The following DGKB variants were observed in gnomAD, a reference collection of about 807,000 sequenced individuals.
DGKB encodes the protein diacylglycerol kinase beta.
Under a neutral mutation model 114.3 loss-of-function variants are expected in DGKB, and 67 were observed. The ratio of observed to expected loss-of-function variants is 0.59; its 90% CI spans 0.48 to 0.72. The LOEUF (loss-of-function observed/expected upper bound fraction) is 0.72. DGKB is among the 30% of genes least tolerant of loss of function. DGKB has a pLI of 0.00. For missense variants in DGKB, 907 were observed against 975.2 expected, an observed-to-expected ratio of 0.93 and a Z score of 0.93; for synonymous variants, 398 against 323.1, an observed-to-expected ratio of 1.23 and a Z score of -2.49.
At chr7:14,564,487 A>G (rs1232230286) in intron 20 of DGKB, among the ~76,000 whole-genome samples, 1 of 152,104 alleles carries the variant, frequency 6.6e-6, no homozygotes, top group African/African-American at 2.4e-5. Flanking sequence ...TCACAAAGGG[A>G]ATTAGTCTGT....
chr7:14,660,462 C>G (rs1563827199), intron 13 of DGKB, among the ~76,000 whole-genome samples: 3 of 151,958 alleles, frequency 2.0e-5, no homozygotes, highest in Admixed American at 6.6e-5. Context: ...CTGTATGTGT[C>G]GAGGAATTTA....
chr7:14,222,124 AT>A (rs1309990577), intron 23 of DGKB, among the ~76,000 whole-genome samples: 1 of 149,730 alleles, frequency 6.7e-6, no homozygotes, highest in African/African-American at 2.4e-5. Context: ...GACTTTTTAT[AT>A]TTTTTTCACT....
chr7:14,832,659 C>G (rs1392974396), intron 2 of DGKB, among the ~76,000 whole-genome samples: 5 of 152,020 alleles, frequency 3.3e-5, no homozygotes, highest in Admixed American at 3.3e-4. Context: ...CTTTCAATCA[C>G]TTATTCTCTT....
intron 22 of DGKB, among the ~76,000 whole-genome samples, chr7:14,341,950 T>A (rs1811674366): frequency 6.6e-6 from 1 of 151,886 alleles, no homozygotes; most frequent in Non-Finnish European, 1.5e-5. Flanking sequence ...CTATATCAGA[T>A]AAGAATTATT....
intron 2 of DGKB, among the ~76,000 whole-genome samples, chr7:14,821,243 C>A (rs1354288463): frequency 6.6e-6 from 1 of 152,094 alleles, no homozygotes; most frequent in Non-Finnish European, 1.5e-5. Context: ...GACATTGATT[C>A]ATTTGACCCA....
intron 2 of DGKB, among the ~76,000 whole-genome samples, chr7:14,778,144 C>T (rs968799545): frequency 1.2e-4 from 19 of 152,030 alleles, no homozygotes; most frequent in South Asian, 6.2e-4. Context: ...AAAAGACTGA[C>T]GAAGAAAATT....
chr7:14,342,476 TTTA>T, intron 22 of DGKB, among the ~76,000 whole-genome samples: 1 of 152,078 alleles, frequency 6.6e-6, no homozygotes, highest in Non-Finnish European at 1.5e-5. Flanking sequence ...TTTTAAAGAA[TTTA>T]TTTTTATCTT....
At chr7:14,968,048 A>C (rs568315423) in intron 1 of DGKB, among the ~76,000 whole-genome samples, 1 of 152,278 alleles carries the variant, frequency 6.6e-6, no homozygotes, top group Non-Finnish European at 1.5e-5. Flanking sequence ...GAAATTCAAA[A>C]CTGAAATACC....
intron 23 of DGKB, among the ~76,000 whole-genome samples, chr7:14,334,269 G>T (rs77234114): frequency 0.035 from 5,348 of 152,002 alleles, 151 homozygotes; most frequent in South Asian, 0.12. Flanking sequence ...TTTCTCATGA[G>T]ATATGCAAAG....
chr7:14,447,808 G>A (rs2128829241), intron 21 of DGKB, among the ~76,000 whole-genome samples: 1 of 152,166 alleles, frequency 6.6e-6, no homozygotes, highest in East Asian at 1.9e-4. Context: ...CTCCTTTTGT[G>A]TATCAGAAGC....
At position 14,360,186 on chromosome 7, in the gene DGKB, C is replaced by T. The variant is rs191680286; in HGVS notation, c.1836-14795G>A. 1.2e-4 allele frequency among the ~76,000 whole-genome samples: 19 copies of T among 152,054 alleles called. 1 individual carries two copies. The East Asian group carries it at 1.6e-3, about 12-fold the overall frequency. On this transcript the variant is annotated intron_variant, in intron 21 of 25. Coordinates refer to ENST00000402815, the MANE Select transcript of DGKB (RefSeq NM_001350709.2). ...CAGGGTCATGGATGAAGCTGGAAACCATCATTCTCAGTAAACTATCACAAG... is the reference window on the plus strand; with the variant it reads ...CAGGGTCATGGATGAAGCTGGAAACTATCATTCTCAGTAAACTATCACAAG...
intron 20 of DGKB, among the ~76,000 whole-genome samples, chr7:14,563,121 T>G (rs1189673982): frequency 1.3e-5 from 2 of 152,166 alleles, no homozygotes; most frequent in Non-Finnish European, 2.9e-5. Context: ...CACGCTCTCT[T>G]GCCTGCCACC....
At position 14,793,674 on chromosome 7, in the gene DGKB, G is replaced by T. The variant is rs142476793; in HGVS notation, c.71-35943C>A. ...TGAAGAGTATATGCATAAGCTGACA[G>T]AAAAATTGTGATGAAATTAACTATC... On this transcript the variant is annotated intron_variant, in intron 2 of 25. Coordinates refer to ENST00000402815, the MANE Select transcript of DGKB (RefSeq NM_001350709.2). Among the ~76,000 whole-genome samples, 64 of 152,228 alleles carry T rather than the reference G, an allele frequency of 4.2e-4. No homozygotes were observed. The East Asian group carries it at 0.012, about 29-fold the overall frequency.
intron 21 of DGKB, among the ~76,000 whole-genome samples, chr7:14,359,107 T>C (rs747841577): frequency 2.6e-5 from 4 of 151,880 alleles, no homozygotes; most frequent in Non-Finnish European, 5.9e-5. Context: ...AACAGATATA[T>C]ATATATATAT....
chr7:14,407,385 C>T (rs1405446594), intron 21 of DGKB, among the ~76,000 whole-genome samples: 3 of 152,196 alleles, frequency 2.0e-5, no homozygotes, highest in South Asian at 2.1e-4. Flanking sequence ...TGTGGTTTGA[C>T]TATTTTCAGT....
chr7:14,538,495 T>C (rs1792901496), intron 20 of DGKB, among the ~76,000 whole-genome samples: 1 of 152,082 alleles, frequency 6.6e-6, no homozygotes, highest in Non-Finnish European at 1.5e-5. Flanking sequence ...TAACTGTTGG[T>C]AAAGTTATGG....
intron 12 of DGKB, among the ~76,000 whole-genome samples, chr7:14,675,020 ACT>A (rs758250203): frequency 6.6e-6 from 1 of 151,988 alleles, no homozygotes; most frequent in Non-Finnish European, 1.5e-5. Flanking sequence ...GGGTCTTAAG[ACT>A]CTGCTGCACT....
chr7:14,535,886 GT>G (rs554987755), intron 20 of DGKB, among the ~76,000 whole-genome samples: 1 of 151,628 alleles, frequency 6.6e-6, no homozygotes, highest in Non-Finnish European at 1.5e-5. Flanking sequence ...CACCTGGCCT[GT>G]TTTTTTTAAG....
At chr7:14,550,678 T>C (rs1315612044) in intron 20 of DGKB, among the ~76,000 whole-genome samples, 1 of 152,186 alleles carries the variant, frequency 6.6e-6, no homozygotes, top group East Asian at 1.9e-4. Flanking sequence ...AACTTGTCAA[T>C]TTCTCAAATG....
Sources: gnomAD v4.1 joint callset for allele counts (sites outside exome capture counted in the v4.1 genomes callset) on GRCh38, gnomAD v4.1.1 for gene constraint, MANE v1.5 for transcripts, NCBI Gene and HGNC (gene_info 2026-07-23, HGNC 2026-07-21) for gene names.